METTL15: variants seen among roughly 807,000 people sequenced by gnomAD.
METTL15 encodes methyltransferase 15, mitochondrial 12S rRNA N4-cytidine.
Under a neutral mutation model 38.3 loss-of-function variants are expected in METTL15, and 34 were observed. That is an observed-to-expected ratio of 0.89 (90% CI 0.68 to 1.18). METTL15 has a LOEUF of 1.18. METTL15 is among the 50% of genes most tolerant of loss of function. The pLI is 0.00. For missense variants in METTL15, 438 were observed against 498.4 expected (o/e 0.88, Z 1.15); for synonymous variants, 162 against 170.9 (o/e 0.95, Z 0.41).
chr11:28,117,259 GTATATATATATATATATATATA>G (rs60938215), intron 3 of METTL15, among the ~76,000 whole-genome samples: 18 of 108,580 alleles, frequency 1.7e-4, no homozygotes, highest in African/African-American at 3.6e-4. Context: ...GTGTGTGTGT[GTATATATATATATATATATATA>G]TATATATATA....
chr11:28,289,905 T>C (rs567258392), intron 4 of METTL15, among the ~76,000 whole-genome samples: 5 of 152,270 alleles, frequency 3.3e-5, no homozygotes, highest in Admixed American at 6.5e-5. Flanking sequence ...TAAGAAAATA[T>C]GAAAGACCTG....
chr11:28,468,955 T>C (rs1469230865), intron 6 of METTL15, among the ~76,000 whole-genome samples: 2 of 152,232 alleles, frequency 1.3e-5, no homozygotes, highest in Non-Finnish European at 2.9e-5. Context: ...AGAATTGATT[T>C]TAATTTTTTG....
chr11:28,478,636 T>C (rs1381652438), intron 6 of METTL15, among the ~76,000 whole-genome samples: 1 of 152,180 alleles, frequency 6.6e-6, no homozygotes, highest in Non-Finnish European at 1.5e-5. Context: ...TCTCTTGCAT[T>C]CTTTGGCTTG....
At chr11:28,217,886 T>G (rs1852975105) in intron 4 of METTL15, among the ~76,000 whole-genome samples, 1 of 152,194 alleles carries the variant, frequency 6.6e-6, no homozygotes, top group Admixed American at 6.5e-5. Context: ...CGGCATTTTT[T>G]CTGAGGGCTC....
chr11:28,193,991 G>T (rs1851795721), intron 3 of METTL15, among the ~76,000 whole-genome samples: 1 of 151,612 alleles, frequency 6.6e-6, no homozygotes, highest in Non-Finnish European at 1.5e-5. Context: ...TTTGTTCAAG[G>T]TTGCCCACAA....
At chr11:28,409,106 G>T (rs986070407) in intron 5 of METTL15, among the ~76,000 whole-genome samples, 10 of 152,180 alleles carry the variant, frequency 6.6e-5, no homozygotes, top group Non-Finnish European at 8.8e-5. Context: ...AATCGGGCTG[G>T]GCGCAGTGGC....
intron 6 of METTL15, among the ~76,000 whole-genome samples, chr11:28,509,486 T>C (rs888021352): frequency 7.1e-6 from 1 of 140,730 alleles, no homozygotes; most frequent in Non-Finnish European, 1.6e-5. Context: ...ATCCTTTATT[T>C]AAAAAAAAAA....
intron 6 of METTL15, among the ~76,000 whole-genome samples, chr11:28,443,445 T>C (rs1345004741): frequency 1.3e-5 from 2 of 152,122 alleles, no homozygotes; most frequent in Admixed American, 6.5e-5. Flanking sequence ...TCAGATGGCT[T>C]TCAGTGCCAT....
At chr11:28,403,064 G>A (rs1338743240) in intron 5 of METTL15, among the ~76,000 whole-genome samples, 2 of 151,924 alleles carry the variant, frequency 1.3e-5, no homozygotes, top group Non-Finnish European at 2.9e-5. Context: ...TCTGTTCATT[G>A]TTCAGGAGTC....
intron 2 of METTL15, among the ~76,000 whole-genome samples, chr11:28,112,908 C>T (rs1851776662): frequency 6.6e-6 from 1 of 152,094 alleles, no homozygotes; most frequent in South Asian, 2.1e-4. Flanking sequence ...AAATGTAATA[C>T]TTTTAATCCG....
chr11:28,256,298 C>T (rs1013276275), intron 4 of METTL15, among the ~76,000 whole-genome samples: 7 of 152,064 alleles, frequency 4.6e-5, no homozygotes, highest in East Asian at 1.9e-4. Context: ...TTATGTTTGG[C>T]GGAATTCAGC....
At chr11:28,138,503 C>A (rs1327990395) in intron 3 of METTL15, among the ~76,000 whole-genome samples, 2 of 152,220 alleles carry the variant, frequency 1.3e-5, no homozygotes, top group Non-Finnish European at 2.9e-5. Flanking sequence ...TATGGCTTAA[C>A]TGTGAGTGTA....
At chr11:28,464,276 G>C (rs1851239268) in intron 6 of METTL15, among the ~76,000 whole-genome samples, 1 of 152,052 alleles carries the variant, frequency 6.6e-6, no homozygotes, top group African/African-American at 2.4e-5. Context: ...GAATGGGAAG[G>C]CTTCCATTAC....
chr11:28,434,031 T>G (rs531873327), intron 6 of METTL15, among the ~76,000 whole-genome samples: 7 of 152,216 alleles, frequency 4.6e-5, no homozygotes, highest in Non-Finnish European at 7.3e-5. Flanking sequence ...ACTTTGGCTG[T>G]TTCCCCACCC....
At chr11:28,357,655 A>G (rs1850101499) in intron 4 of METTL15, among the ~76,000 whole-genome samples, 1 of 152,212 alleles carries the variant, frequency 6.6e-6, no homozygotes, top group Non-Finnish European at 1.5e-5. Flanking sequence ...TGCTCAATAA[A>G]TATCAACCAT....
intron 6 of METTL15, among the ~76,000 whole-genome samples, chr11:28,300,187 G>GCTT (rs1856865571): frequency 1.3e-5 from 2 of 152,088 alleles, no homozygotes; most frequent in Non-Finnish European, 2.9e-5. Context: ...TGACAAACAT[G>GCTT]TATTTTGGCA....
chr11:28,279,815 C>A (rs1380291395), intron 4 of METTL15, among the ~76,000 whole-genome samples: 5 of 151,582 alleles, frequency 3.3e-5, no homozygotes, highest in African/African-American at 9.7e-5. Flanking sequence ...AGGAGAATCG[C>A]TTGAACCCGG....
intron 4 of METTL15, among the ~76,000 whole-genome samples, chr11:28,214,932 T>C (rs1026578688): frequency 1.1e-4 from 16 of 152,162 alleles, no homozygotes; most frequent in African/African-American, 3.9e-4. Context: ...GGGTCACAGC[T>C]GATACCCCTA....
downstream of METTL15, among the ~76,000 whole-genome samples, chr11:28,334,177 T>C (rs1420448461): frequency 6.6e-6 from 1 of 152,034 alleles, no homozygotes; most frequent in Non-Finnish European, 1.5e-5. Context: ...CCACTCTCCC[T>C]CTTTTTATAT....
Sources: allele counts gnomAD v4.1 joint callset (sites outside exome capture counted in the v4.1 genomes callset), GRCh38; gene constraint gnomAD v4.1.1; transcripts MANE v1.5; gene names NCBI Gene and HGNC (gene_info 2026-07-23, HGNC 2026-07-21).